BAZ2A: variants seen among roughly 807,000 people sequenced by gnomAD.
BAZ2A encodes bromodomain adjacent to zinc finger domain protein 2A.
Under a neutral mutation model 199.9 loss-of-function variants are expected in BAZ2A, and 34 were observed. The ratio of observed to expected loss-of-function variants is 0.17; its 90% CI spans 0.13 to 0.23. The LOEUF (loss-of-function observed/expected upper bound fraction) is 0.23, where lower values mean the gene tolerates loss of function less well. Ranked by LOEUF, BAZ2A falls within the 10% of genes least tolerant of loss-of-function variation. The pLI is 1.00. For missense variants in BAZ2A, 2,002 were observed against 2,391.1 expected (o/e 0.84, Z 3.39); for synonymous variants, 857 against 883.9 (o/e 0.97, Z 0.54).
Position 56,606,022 on chromosome 12 carries a change from C to G in BAZ2A, c.2301G>C (p.Lys767Asn), listed in dbSNP as rs1592571292. 1.3e-6 allele frequency: 2 copies of G among 1,551,784 alleles called. No individual in the cohort carries two copies. The highest frequency in any genetic ancestry group is 2.4e-5 in the East Asian group (1 of 40,918). Reference sequence around the variant, plus strand: ...CCTTCTTTTCCCTCTTGACTTTTTCCTTCAGTTTTTCCTGCTTTGTCTTTC... The same window carrying G: ...CCTTCTTTTCCCTCTTGACTTTTTCGTTCAGTTTTTCCTGCTTTGTCTTTC... ...EKGKTKQEKLKEKVKREKKEK... is the reference protein window; with the variant it reads ...EKGKTKQEKLNEKVKREKKEK... Residue 767 changes from lysine (K) to asparagine (N), a missense_variant, in exon 13 of 29, where the codon AAG becomes AAC. Around this residue, in one of 6 missense-constraint regions of BAZ2A, gnomAD observed 1,081 missense variants for 1,274.7 expected, o/e 0.85. Transcript: ENST00000549884.
chr12:56,612,111 G>T lies in BAZ2A; in HGVS notation c.1271C>A (p.Ser424Ter). 6.2e-7 allele frequency: 1 copy of T among 1,613,946 alleles called. No homozygotes were observed. Among genetic ancestry groups the T allele is most frequent in the Non-Finnish European group, 8.5e-7 (1 of 1,179,872 alleles). The part of the protein sequence containing the change: ...SSTIQLHPAT[S>*]PAVSPTTSPA... ...GGAGGTTGTTGGCGAGACTGCTGGT[G>T]AGGTTGCTGGATGTAGCTGAATAGT... Residue 424 changes from serine (S) to a stop codon, truncating the protein, a stop_gained, in exon 6 of 29, where the codon TCA (serine) becomes TAA (stop). Transcript: ENST00000549884. LOFTEE classifies it high-confidence loss of function.
rs756438119 is a variant in BAZ2A, at chr12:56,600,847, G to A, written c.4451-15C>T. On this transcript the variant is annotated splice_polypyrimidine_tract_variant and intron_variant, in intron 22 of 28. Transcript: ENST00000549884. ...AAAGATGGGGTCTGAGAAGAGAGGT[G>A]GCAGAGGGAGAGGCCCATCAGGCTG... is the stretch of plus-strand genomic sequence containing the variant. 9.3e-6 allele frequency: 15 copies of A among 1,612,916 alleles called. No homozygotes were observed. Among genetic ancestry groups the A allele is most frequent in the Non-Finnish European group, 7.6e-6 (9 of 1,179,290 alleles).
chr12:56,623,215 G>A (rs1950977934), intron 1 of BAZ2A, among the ~76,000 whole-genome samples: 1 of 150,886 alleles, frequency 6.6e-6, no homozygotes, highest in South Asian at 2.1e-4. Context: ...CAGTCTGGGC[G>A]ACAGAGCGAG....
rs1355548210 is a variant in BAZ2A, at chr12:56,615,526, T to C, written c.218A>G (p.His73Arg). 6.2e-7 allele frequency: 1 copy of C among 1,612,456 alleles called. No homozygotes were observed. Among genetic ancestry groups the C allele is most frequent in the African/African-American group, 1.3e-5 (1 of 74,582 alleles). ...TTSGILNSAPHSSSTSHLHHP... is the reference protein window; with the variant it reads ...TTSGILNSAPRSSSTSHLHHP... Reference sequence around the variant, plus strand: ...ATGGAGGTGTGAGGTGCTGGAGGAGTGGGGAGCAGAGTTCAAAATCCCTGA... The same window carrying C: ...ATGGAGGTGTGAGGTGCTGGAGGAGCGGGGAGCAGAGTTCAAAATCCCTGA... The change falls in exon 3 of 29, where the codon CAC (histidine) becomes CGC (arginine). Residue 73 changes from histidine to arginine, a missense_variant. Coordinates refer to ENST00000549884, the MANE Select transcript of BAZ2A (RefSeq NM_001300905.2).
At chr12:56,607,333 A>G (rs767227215) in intron 10 of BAZ2A, among the ~76,000 whole-genome samples, 4 of 152,228 alleles carry the variant, frequency 2.6e-5, no homozygotes, top group African/African-American at 7.2e-5. Flanking sequence ...TCTGCAAACA[A>G]GAGTATTTCA....
At chr12:56,617,752 G>C (rs1259744177) in intron 1 of BAZ2A, among the ~76,000 whole-genome samples, 1 of 152,116 alleles carries the variant, frequency 6.6e-6, no homozygotes, top group Non-Finnish European at 1.5e-5. Flanking sequence ...AGCCAGCTTT[G>C]TAGATTAAAA....
intron 1 of BAZ2A, among the ~76,000 whole-genome samples, chr12:56,628,177 C>CAAAAAAA (rs57372528): frequency 1.4e-4 from 4 of 28,348 alleles, no homozygotes; most frequent in Admixed American, 4.2e-4. Context: ...AACTCCGTCT[C>CAAAAAAA]AAAAAAAAAA....
intron 11 of BAZ2A, 130 bp from the exon 12 acceptor site, chr12:56,606,442 AATTCTC>A: frequency 8.1e-7 from 1 of 1,231,146 alleles, no homozygotes; most frequent in Non-Finnish European, 1.2e-6. Flanking sequence ...GCAATGGATT[AATTCTC>A]TCACCCTAGA....
At chr12:56,618,831 T>C (rs144748941) in intron 1 of BAZ2A, among the ~76,000 whole-genome samples, 58 of 151,842 alleles carry the variant, frequency 3.8e-4, no homozygotes, top group East Asian at 1.9e-3. Context: ...AATTGCGCCA[T>C]TGCACTCCAG....
chr12:56,623,095 G>C (rs1950972759), intron 1 of BAZ2A, among the ~76,000 whole-genome samples: 1 of 152,100 alleles, frequency 6.6e-6, no homozygotes, highest in African/African-American at 2.4e-5. Flanking sequence ...AATTAGCCAG[G>C]CGTGGTGGCG....
upstream of BAZ2A, chr12:56,630,335 G>A: frequency 1.0e-6 from 1 of 966,180 alleles, no homozygotes; most frequent in Non-Finnish European, 1.2e-6. Context: ...GTGAGTCGGA[G>A]CCGGAGGGGG....
rs1565801419 is a variant in BAZ2A, at chr12:56,597,960, A to C, written c.*658T>G. ...CTCTGAACATTTTTTTTTCCTTTGA[A>C]GGGAAAAGATTTGGGAGAAGAGAAA... On this transcript the variant is annotated 3_prime_UTR_variant, in exon 29 of 29. Coordinates refer to ENST00000549884, the MANE Select transcript of BAZ2A (RefSeq NM_001300905.2). The C allele has an allele frequency of 6.6e-6, 1 of 151,558 alleles. No individual in the cohort carries two copies. The highest frequency in any genetic ancestry group is 2.4e-5 in the African/African-American group (1 of 41,166). 9.4% of individuals were successfully genotyped at this position (151,558 alleles called of 1,614,324 possible). A position where few individuals can be genotyped will look rare whatever the true frequency, so the allele number is the denominator to read the frequency against.
intron 2 of BAZ2A, among the ~76,000 whole-genome samples, chr12:56,617,107 C>T (rs1950748920): frequency 6.6e-6 from 1 of 152,182 alleles, no homozygotes; most frequent in Non-Finnish European, 1.5e-5. Flanking sequence ...AAGGCTAGCA[C>T]TTTATCTCTC....
In BAZ2A at chr12:56,599,086, C is replaced by T. The variant is rs201646018; in HGVS notation, c.5402+43G>A. Reference sequence around the variant, plus strand: ...GACCCCTCCCAGCCCTTTCCTCTGGCAGAGGTAGAGCCAACTGTCCCCCCA... The same window carrying T: ...GACCCCTCCCAGCCCTTTCCTCTGGTAGAGGTAGAGCCAACTGTCCCCCCA... On this transcript the variant is annotated intron_variant, in intron 27 of 28. Coordinates refer to ENST00000549884, the MANE Select transcript of BAZ2A (RefSeq NM_001300905.2). 52 of 1,597,918 alleles carry T rather than the reference C, an allele frequency of 3.3e-5. No individual in the cohort carries two copies. In the African/African-American group the frequency reaches 5.6e-4, roughly 17 times the overall value.
intron 5 of BAZ2A, 114 bp downstream of exon 5, chr12:56,612,901 C>T (rs1350678130): frequency 4.2e-6 from 5 of 1,200,294 alleles, no homozygotes; most frequent in South Asian, 2.8e-5. Context: ...AGATTACAGG[C>T]GTGAGCCACT....
chr12:56,633,323 C>G (rs937550042), upstream of BAZ2A, among the ~76,000 whole-genome samples: 1 of 152,156 alleles, frequency 6.6e-6, no homozygotes, highest in Non-Finnish European at 1.5e-5. Flanking sequence ...TGGCATCCAA[C>G]CCCAAACACC....
intron 10 of BAZ2A, among the ~76,000 whole-genome samples, chr12:56,609,482 C>T (rs1294250246): frequency 6.6e-6 from 1 of 152,192 alleles, no homozygotes; most frequent in Non-Finnish European, 1.5e-5. Flanking sequence ...AAGTCCTCTC[C>T]TCTGGGCTAA....
chr12:56,615,092 C>T lies in BAZ2A; in HGVS notation c.652G>A (p.Glu218Lys), dbSNP rs759122462. Residue 218 changes from glutamate (E) to lysine (K), a missense_variant, in exon 3 of 29, where the codon GAA (glutamate) becomes AAA (lysine). Physicochemically the swap from Glu to Lys is moderately conservative, Grantham distance 56. Coordinates refer to ENST00000549884, the MANE Select transcript of BAZ2A (RefSeq NM_001300905.2). ...GSGIHPDEAA[E>K]KEMTSVVAEN... The stretch of plus-strand genomic sequence containing the variant: ...GCCACAACTGAAGTCATCTCCTTTT[C>T]TGCTGCCTCATCAGGATGGATACCA... 4 of 1,613,918 alleles carry T rather than the reference C, an allele frequency of 2.5e-6. No homozygotes were observed. The highest frequency in any genetic ancestry group is 3.3e-5 in the Admixed American group (2 of 60,018).
At position 56,596,832 on chromosome 12, in the gene BAZ2A, G is replaced by GAAAT. The variant is rs1325851484; in HGVS notation, c.*1782_*1785dup. ...TTATCTGACAGAAAAGGCGACTTTAGAAATAGGCTATGAGGGAGAAGGGGC... is the reference window on the plus strand; with the variant it reads ...TTATCTGACAGAAAAGGCGACTTTAGAAATAAATAGGCTATGAGGGAGAAGGGGC... On this transcript the variant is annotated 3_prime_UTR_variant, in exon 29 of 29. Coordinates refer to ENST00000549884, the MANE Select transcript of BAZ2A (RefSeq NM_001300905.2). The GAAAT allele has an allele frequency of 6.6e-6, 1 of 152,310 alleles. No individual in the cohort carries two copies. Among genetic ancestry groups the GAAAT allele is most frequent in the Admixed American group, 6.6e-5 (1 of 15,266 alleles). The allele number at this position is 152,310 out of a possible 1,614,324, so 9.4% of individuals were successfully genotyped here.
Sources: gnomAD v4.1 joint callset for allele counts (sites outside exome capture counted in the v4.1 genomes callset) on GRCh38, gnomAD v4.1.1 for gene constraint, gnomAD v4.1.1 regional missense constraint, MANE v1.5 for transcripts, NCBI Gene and HGNC (gene_info 2026-07-23, HGNC 2026-07-21) for gene names.